The following TENM3 variants were observed in gnomAD, a reference collection of about 807,000 sequenced individuals.
TENM3 encodes teneurin-3.
In TENM3, 63 loss-of-function variants were observed where a neutral mutation model predicts 255.1. The ratio of observed to expected loss-of-function variants is 0.25; its 90% CI spans 0.20 to 0.30. TENM3 has a LOEUF of 0.30. TENM3 is among the 10% of genes least tolerant of loss of function. TENM3 has a pLI of 1.00. For missense variants in TENM3, 2,929 were observed against 3,461.1 expected (o/e 0.85, Z 3.86); for synonymous variants, 1,306 against 1,322.3 (o/e 0.99, Z 0.27).
Position 182,789,378 on chromosome 4 carries a change from T to G in TENM3, c.5590T>G (p.Tyr1864Asp), listed in dbSNP as rs774994422. The change falls in exon 25 of 28, where the codon TAT becomes GAT. Residue 1864 changes from tyrosine (Y) to aspartate (D), a missense_variant. Coordinates refer to ENST00000511685, the MANE Select transcript of TENM3 (RefSeq NM_001080477.4). This position sits in a 1 kb window ranked among gnomAD's most constrained non-coding sequence, Gnocchi z 4.4. ...FADGKTWSYT[Y>D]LEKSMVLLLH... ...TGATGGTAAAACATGGAGTTACACA[T>G]ATTTAGAAAAGGTATGCCTGCAAAC... The G allele has an allele frequency of 6.2e-7, 1 of 1,610,536 alleles. No individual in the cohort carries two copies. Among genetic ancestry groups the G allele is most frequent in the Non-Finnish European group, 8.5e-7 (1 of 1,177,308 alleles).
chr4:181,668,685 C>A, the TENM3 span, among the ~76,000 whole-genome samples: 1 of 152,062 alleles, frequency 6.6e-6, no homozygotes, highest in Non-Finnish European at 1.5e-5. Flanking sequence ...CCTGCAACAA[C>A]CTTACTTGCA....
chr4:182,575,104 A>G (rs959181599), intron 3 of TENM3, among the ~76,000 whole-genome samples: 1 of 152,212 alleles, frequency 6.6e-6, no homozygotes, highest in Non-Finnish European at 1.5e-5. Context: ...AATCGTACAG[A>G]AGAAATACAC....
At chr4:182,078,459 T>G in the TENM3 span, among the ~76,000 whole-genome samples, 1 of 151,982 alleles carries the variant, frequency 6.6e-6, no homozygotes, top group African/African-American at 2.4e-5. Flanking sequence ...GAGGTGGAGA[T>G]TGCAGTGAGC....
intron 3 of TENM3, among the ~76,000 whole-genome samples, chr4:182,590,934 C>G (rs1431284331): frequency 6.6e-6 from 1 of 152,100 alleles, no homozygotes; most frequent in East Asian, 1.9e-4. Flanking sequence ...GCCAGCTTAC[C>G]TGCACTTTAC....
chr4:182,392,648 CA>C (rs1249854020), intron 3 of TENM3, among the ~76,000 whole-genome samples: 4 of 152,000 alleles, frequency 2.6e-5, no homozygotes, highest in Non-Finnish European at 5.9e-5. Flanking sequence ...GCAAAGCCGC[CA>C]AACCTAGGGG....
intron 6 of TENM3, among the ~76,000 whole-genome samples, chr4:182,659,865 A>AAT (rs1754074188): frequency 6.6e-6 from 1 of 152,214 alleles, no homozygotes; most frequent in East Asian, 1.9e-4. Flanking sequence ...ACCATACTGC[A>AAT]ATATAAAAAC....
the TENM3 span, among the ~76,000 whole-genome samples, chr4:181,684,199 A>G: frequency 1.9e-3 from 282 of 152,272 alleles, no homozygotes; most frequent in Non-Finnish European, 3.5e-3. Flanking sequence ...GTTCCTATGC[A>G]GTGTTATTCA....
At chr4:182,316,285 G>A (rs1762744052) in intron 1 of TENM3, among the ~76,000 whole-genome samples, 1 of 152,080 alleles carries the variant, frequency 6.6e-6, no homozygotes, top group Non-Finnish European at 1.5e-5. Context: ...CCAGAACTGT[G>A]TTTAGTTTAC....
the TENM3 span, among the ~76,000 whole-genome samples, chr4:181,892,598 G>T: frequency 6.6e-6 from 1 of 152,162 alleles, no homozygotes; most frequent in African/African-American, 2.4e-5. Context: ...AAGAGGAATT[G>T]TTTCTTGCCT....
chr4:181,525,597 T>C, the TENM3 span, among the ~76,000 whole-genome samples: 1 of 152,176 alleles, frequency 6.6e-6, no homozygotes, highest in African/African-American at 2.4e-5. Context: ...GAAATCCTGA[T>C]GGTTTGCTCC....
At chr4:182,796,916 A>G in intron 27 of TENM3, 149 bp downstream of exon 27, 1 of 556,148 alleles carries the variant, frequency 1.8e-6, no homozygotes, top group South Asian at 3.6e-5. Flanking sequence ...CTTCCTCTGC[A>G]TTTGTGTTCA....
chr4:181,813,084 G>T, the TENM3 span, among the ~76,000 whole-genome samples: 1 of 152,150 alleles, frequency 6.6e-6, no homozygotes, highest in South Asian at 2.1e-4. Context: ...CACAGTTCTG[G>T]ATGCTGGCAA....
At chr4:182,101,104 G>GA in the TENM3 span, among the ~76,000 whole-genome samples, 316 of 11,690 alleles carry the variant, frequency 0.027, 82 homozygotes, top group Non-Finnish European at 0.051. Context: ...GGGAGGGAGG[G>GA]AGGAAGGAAA....
At chr4:182,057,000 C>T in the TENM3 span, among the ~76,000 whole-genome samples, 1 of 151,008 alleles carries the variant, frequency 6.6e-6, no homozygotes, top group Non-Finnish European at 1.5e-5. Context: ...TCAGATACGG[C>T]TGATTTCTGA....
the TENM3 span, among the ~76,000 whole-genome samples, chr4:181,951,734 A>C: frequency 1.3e-5 from 2 of 152,210 alleles, no homozygotes; most frequent in Non-Finnish European, 2.9e-5. Context: ...CATTTTTCTC[A>C]TCAAACTGGT....
At chr4:182,473,571 G>A (rs1275513420) in intron 3 of TENM3, among the ~76,000 whole-genome samples, 2 of 152,190 alleles carry the variant, frequency 1.3e-5, no homozygotes, top group Non-Finnish European at 2.9e-5. Context: ...TACTCGGGAG[G>A]CTGAGGCAAG....
intron 12 of TENM3, among the ~76,000 whole-genome samples, chr4:182,697,553 G>GA (rs1005422805): frequency 6.6e-6 from 1 of 152,122 alleles, no homozygotes; most frequent in African/African-American, 2.4e-5. Flanking sequence ...GGACAGAGGG[G>GA]ATAGAGATCC....
chr4:181,468,233 C>T, the TENM3 span, among the ~76,000 whole-genome samples: 1 of 152,042 alleles, frequency 6.6e-6, no homozygotes, highest in African/African-American at 2.4e-5. Flanking sequence ...ATGATTGCAC[C>T]ACTGCACTCC....
At chr4:182,712,169 T>C (rs149608861) in intron 12 of TENM3, among the ~76,000 whole-genome samples, 2 of 152,190 alleles carry the variant, frequency 1.3e-5, no homozygotes, top group Non-Finnish European at 2.9e-5. Flanking sequence ...AAAAAAGAAC[T>C]GATAACCTTG....
Sources: gnomAD v4.1 joint callset for allele counts (sites outside exome capture counted in the v4.1 genomes callset) on GRCh38, gnomAD v4.1.1 for gene constraint, Gnocchi (gnomAD v3.1) non-coding constraint, MANE v1.5 for transcripts, NCBI Gene and HGNC (gene_info 2026-07-23, HGNC 2026-07-21) for gene names.